Variants in CLIC4 observed in about 807,000 individuals in gnomAD.
CLIC4 encodes the protein CLIC family member 4.
A neutral mutation model predicts 24.6 loss-of-function variants in CLIC4; 13 were observed. That is an observed-to-expected ratio of 0.53 (90% confidence interval 0.34 to 0.84). The LOEUF (loss-of-function observed/expected upper bound fraction) is 0.84, where lower values mean the gene tolerates loss of function less well. Among genes scored for constraint, CLIC4 ranks in the 40% least tolerant of loss-of-function variants. The probability of loss-of-function intolerance (pLI) is 0.01; values close to 1 mark genes in which losing one functional copy is unlikely to be tolerated. For synonymous variants in CLIC4, 104 were observed against 111.3 expected, an observed-to-expected ratio of 0.93 and a Z score of 0.41; for missense variants, 227 against 301.7, an observed-to-expected ratio of 0.75 and a Z score of 1.83.
Position 24,765,082 on chromosome 1 carries a change from C to G in CLIC4, c.72+19457C>G, listed in dbSNP as rs181024113. Among the ~76,000 whole-genome samples, 11 of 152,238 alleles carry G rather than the reference C, an allele frequency of 7.2e-5. No individual in the cohort carries two copies. The East Asian group carries it at 1.9e-3, about 27-fold the overall frequency. On this transcript the variant is annotated intron_variant, in intron 1 of 5. Transcript: ENST00000374379. Reference sequence around the variant, plus strand: ...TTATTGTAACTCACTGCCTGGGAGGCCTTTTCACTTCTAGGAAGATCTGGT... The same window carrying G: ...TTATTGTAACTCACTGCCTGGGAGGGCTTTTCACTTCTAGGAAGATCTGGT...
chr1:24,814,191 T>C lies in CLIC4; in HGVS notation c.280T>C (p.Phe94Leu). The C allele has an allele frequency of 6.2e-7, 1 of 1,613,878 alleles. No homozygotes were observed. Among genetic ancestry groups the C allele is most frequent in the Non-Finnish European group, 8.5e-7 (1 of 1,179,920 alleles). Residue 94 changes from phenylalanine (F) to leucine (L), a missense_variant, in exon 3 of 6, where the codon TTT becomes CTT. Transcript: ENST00000374379. Reference sequence around the variant, plus strand: ...AACGGATGTAAATAAGATTGAGGAATTTCTTGAAGAAGTCTTATGCCCTCC... The same window carrying C: ...AACGGATGTAAATAAGATTGAGGAACTTCTTGAAGAAGTCTTATGCCCTCC... ...VKTDVNKIEE[F>L]LEEVLCPPKY...
rs1159111785 is a variant in CLIC4, at chr1:24,843,628, C to G, written c.*2691C>G. The G allele has an allele frequency of 6.6e-6, 1 of 152,144 alleles. No homozygotes were observed. Among genetic ancestry groups the G allele is most frequent in the African/African-American group, 2.4e-5 (1 of 41,424 alleles). 9.4% of individuals were successfully genotyped at this position (152,144 alleles called of 1,614,324 possible). On this transcript the variant is annotated 3_prime_UTR_variant, in exon 6 of 6. Transcript: ENST00000374379. ...TGTTGTCTTTTACTAGGACTGTAAACTTTTGTGATAAAATTCAAATAAGAT... is the reference window on the plus strand; with the variant it reads ...TGTTGTCTTTTACTAGGACTGTAAAGTTTTGTGATAAAATTCAAATAAGAT...
At chr1:24,801,060 TAAAA>T (rs56969553) in intron 2 of CLIC4, among the ~76,000 whole-genome samples, 50,309 of 107,980 alleles carry the variant, frequency 0.47, 8,755 homozygotes, top group South Asian at 0.6. Flanking sequence ...GAATTATCAA[TAAAA>T]AAATAAATTA....
intron 1 of CLIC4, among the ~76,000 whole-genome samples, chr1:24,792,274 T>C (rs1313147381): frequency 6.6e-6 from 1 of 151,990 alleles, no homozygotes; most frequent in Non-Finnish European, 1.5e-5. Context: ...CGCTGCAGTC[T>C]TGAACTCCTG....
chr1:24,790,163 C>A (rs1359009559), intron 1 of CLIC4, among the ~76,000 whole-genome samples: 16 of 152,242 alleles, frequency 1.1e-4, no homozygotes, highest in Non-Finnish European at 4.4e-5. Context: ...CCTCTGCCTG[C>A]CAGGTTCAAG....
chr1:24,752,603 A>T (rs558025592), intron 1 of CLIC4, among the ~76,000 whole-genome samples: 34 of 152,346 alleles, frequency 2.2e-4, no homozygotes, highest in African/African-American at 7.0e-4. Flanking sequence ...ACTTAATCAC[A>T]TAGCTTCATC....
chr1:24,799,557 G>A (rs1280263042), intron 2 of CLIC4, among the ~76,000 whole-genome samples: 1 of 151,884 alleles, frequency 6.6e-6, no homozygotes, highest in Non-Finnish European at 1.5e-5. Flanking sequence ...GGGAAGTGAG[G>A]AGCGTCTCCG....
intron 3 of CLIC4, among the ~76,000 whole-genome samples, chr1:24,821,713 G>A (rs973725864): frequency 3.3e-5 from 5 of 151,940 alleles, no homozygotes; most frequent in African/African-American, 1.2e-4. Flanking sequence ...CACCACGCCT[G>A]GCTAATTTTT....
intron 1 of CLIC4, among the ~76,000 whole-genome samples, chr1:24,768,903 CAAAAA>C (rs71032856): frequency 9.3e-5 from 10 of 107,288 alleles, no homozygotes; most frequent in Admixed American, 1.9e-4. Context: ...TCTGCCTCAC[CAAAAA>C]AAAAAAAAAA....
At chr1:24,763,107 G>A (rs974594918) in intron 1 of CLIC4, among the ~76,000 whole-genome samples, 1 of 152,110 alleles carries the variant, frequency 6.6e-6, no homozygotes, top group Non-Finnish European at 1.5e-5. Context: ...ACTCTGTGAG[G>A]AAGAAATTTT....
At chr1:24,763,349 G>T (rs1571232271) in intron 1 of CLIC4, among the ~76,000 whole-genome samples, 2 of 152,006 alleles carry the variant, frequency 1.3e-5, no homozygotes, top group East Asian at 3.9e-4. Flanking sequence ...AGACCAGCCT[G>T]ACTAATATGG....
intron 4 of CLIC4, among the ~76,000 whole-genome samples, chr1:24,836,190 T>C (rs1453723239): frequency 2.0e-5 from 3 of 152,266 alleles, no homozygotes; most frequent in East Asian, 1.9e-4. Flanking sequence ...TCTAAACTTA[T>C]CTTACCAAAT....
intron 1 of CLIC4, among the ~76,000 whole-genome samples, chr1:24,755,436 CAAA>C (rs796480286): frequency 1.0e-4 from 9 of 85,756 alleles, no homozygotes; most frequent in South Asian, 4.0e-4. Flanking sequence ...GACTCTGTCT[CAAA>C]AAAAAAAAAA....
chr1:24,751,666 C>T (rs1638778636), intron 1 of CLIC4, among the ~76,000 whole-genome samples: 2 of 152,242 alleles, frequency 1.3e-5, no homozygotes, highest in Admixed American at 1.3e-4. Flanking sequence ...GTTTCTCCAT[C>T]CAGCTTGGCC....
At chr1:24,794,270 C>A (rs1472496323) in intron 1 of CLIC4, among the ~76,000 whole-genome samples, 1 of 151,570 alleles carries the variant, frequency 6.6e-6, no homozygotes, top group African/African-American at 2.4e-5. Flanking sequence ...TGCCACACTG[C>A]TTTCCACAAT....
intron 1 of CLIC4, among the ~76,000 whole-genome samples, chr1:24,781,042 G>A (rs1639197044): frequency 1.4e-5 from 2 of 138,478 alleles, no homozygotes; most frequent in Non-Finnish European, 1.5e-5. Context: ...AGCTGAGATC[G>A]CACCATTGCA....
intron 2 of CLIC4, among the ~76,000 whole-genome samples, chr1:24,810,290 T>G (rs1639598741): frequency 1.3e-5 from 2 of 152,230 alleles, no homozygotes; most frequent in Admixed American, 1.3e-4. Context: ...TATGTTTGAT[T>G]GTTATATCTC....
At chr1:24,791,077 A>T (rs928909430) in intron 1 of CLIC4, among the ~76,000 whole-genome samples, 3 of 152,202 alleles carry the variant, frequency 2.0e-5, no homozygotes, top group Non-Finnish European at 2.9e-5. Flanking sequence ...TAATGGTTCA[A>T]GGGTAAGGGA....
intron 1 of CLIC4, among the ~76,000 whole-genome samples, chr1:24,764,073 C>A (rs1638962501): frequency 6.6e-6 from 1 of 152,158 alleles, no homozygotes; most frequent in Admixed American, 6.5e-5. Flanking sequence ...TAAAAATATT[C>A]TTTATAAGTG....
Sources: allele counts gnomAD v4.1 joint callset (sites outside exome capture counted in the v4.1 genomes callset), GRCh38; gene constraint gnomAD v4.1.1; transcripts MANE v1.5; gene names NCBI Gene and HGNC (gene_info 2026-07-23, HGNC 2026-07-21).